Variants in IQGAP2 observed in about 807,000 individuals in gnomAD.
IQGAP2 encodes the protein IQ motif containing GTPase activating protein 2.
IQGAP2 carries 173 observed loss-of-function variants against 201.3 expected under a neutral mutation model. The ratio of observed to expected loss-of-function variants is 0.86; its 90% CI spans 0.76 to 0.98. IQGAP2 has a LOEUF of 0.98. Ranked by LOEUF, IQGAP2 falls within the 50% of genes least tolerant of loss-of-function variation. The pLI is 0.00. For synonymous variants in IQGAP2, 675 were observed against 673.9 expected, an observed-to-expected ratio of 1.00 and a Z score of -0.03; for missense variants, 1,687 against 1,864.8, an observed-to-expected ratio of 0.90 and a Z score of 1.76.
At position 76,635,244 on chromosome 5, in the gene IQGAP2, T is replaced by A. The variant is rs146969294; in HGVS notation, c.1781-1790T>A. On this transcript the variant is annotated intron_variant, in intron 15 of 35. Transcript: ENST00000274364. ...CTGCTTCTTTTCCCACGTGTCATAT[T>A]TGGATGAGAGCTAAAAACAACAGAA... Among the ~76,000 whole-genome samples the A allele has an allele frequency of 1.8e-4, 27 of 152,376 alleles. No individual in the cohort carries two copies. The East Asian group carries it at 4.8e-3, about 27-fold the overall frequency.
At chr5:76,500,629 C>A (rs1403924844) in intron 2 of IQGAP2, among the ~76,000 whole-genome samples, 1 of 152,118 alleles carries the variant, frequency 6.6e-6, no homozygotes, top group Non-Finnish European at 1.5e-5. Flanking sequence ...TCTCTATGAG[C>A]CCCTTTTGTG....
intron 31 of IQGAP2, among the ~76,000 whole-genome samples, chr5:76,694,450 A>T (rs1427351772): frequency 6.6e-6 from 1 of 152,224 alleles, no homozygotes; most frequent in Non-Finnish European, 1.5e-5. Context: ...CTAAGAACAC[A>T]GACTTCTGAG....
intron 4 of IQGAP2, among the ~76,000 whole-genome samples, chr5:76,573,260 G>C (rs1175060697): frequency 6.6e-6 from 1 of 152,196 alleles, no homozygotes; most frequent in Non-Finnish European, 1.5e-5. Context: ...TGGTGTTATA[G>C]AGCAGATTTT....
Position 76,698,154 on chromosome 5 carries a change from T to TA in IQGAP2, c.4367+11dup, listed in dbSNP as rs1280170805. The TA allele has an allele frequency of 6.5e-7, 1 of 1,547,296 alleles. No homozygotes were observed. Among genetic ancestry groups the TA allele is most frequent in the Middle Eastern group, 1.7e-4 (1 of 5,890 alleles). On this transcript the variant is annotated splice_region_variant and intron_variant, in intron 33 of 35. Transcript: ENST00000274364. ...TAGACAACTTAAAAAGAAAGTAAGT[T>TA]AAAATCATGTCATGTTCATTTGTAA...
At chr5:76,548,671 G>A (rs186879077) in intron 2 of IQGAP2, among the ~76,000 whole-genome samples, 130 of 152,280 alleles carry the variant, frequency 8.5e-4, no homozygotes, top group South Asian at 2.5e-3. Flanking sequence ...AAAGGGGAGT[G>A]ATATCAATCT....
chr5:76,686,016 C>T (rs1378048243), intron 30 of IQGAP2, among the ~76,000 whole-genome samples: 2 of 152,204 alleles, frequency 1.3e-5, no homozygotes, highest in African/African-American at 4.8e-5. Flanking sequence ...AGTCGTATCT[C>T]ACTGTGGTTT....
chr5:76,629,152 T>C (rs1010032530), intron 14 of IQGAP2, among the ~76,000 whole-genome samples: 5 of 152,198 alleles, frequency 3.3e-5, no homozygotes, highest in African/African-American at 4.8e-5. Flanking sequence ...ACATCTAAAA[T>C]CCTATCTTTT....
chr5:76,568,882 T>C (rs570240354), intron 3 of IQGAP2, among the ~76,000 whole-genome samples: 1 of 152,192 alleles, frequency 6.6e-6, no homozygotes, highest in Non-Finnish European at 1.5e-5. Flanking sequence ...ATTATTTATT[T>C]TGTGGCACAG....
chr5:76,530,313 A>G, intron 2 of IQGAP2, among the ~76,000 whole-genome samples: 1 of 152,250 alleles, frequency 6.6e-6, no homozygotes, highest in East Asian at 1.9e-4. Context: ...TACATAACAT[A>G]GAATAGGATG....
chr5:76,452,158 A>G (rs140509993), intron 1 of IQGAP2, among the ~76,000 whole-genome samples: 257 of 149,624 alleles, frequency 1.7e-3, no homozygotes, highest in African/African-American at 5.8e-3. Flanking sequence ...AACAAATCTG[A>G]CCTCAGGTGA....
chr5:76,674,413 A>AT, intron 26 of IQGAP2, 64 bp from the exon 27 acceptor site: 1 of 965,072 alleles, frequency 1.0e-6, no homozygotes, highest in Non-Finnish European at 1.6e-6. Context: ...TAAAAAAAAA[A>AT]AGAAAACTAA....
chr5:76,496,806 T>C (rs1757015578), intron 2 of IQGAP2, among the ~76,000 whole-genome samples: 2 of 147,932 alleles, frequency 1.4e-5, no homozygotes, highest in Admixed American at 6.9e-5. Flanking sequence ...TTTCTTTCTT[T>C]CTCTTTCTTT....
chr5:76,676,017 G>C (rs1409397829), intron 27 of IQGAP2, among the ~76,000 whole-genome samples: 1 of 150,934 alleles, frequency 6.6e-6, no homozygotes, highest in South Asian at 2.1e-4. Flanking sequence ...GGAGGTCAAG[G>C]CTGCAGTGAG....
intron 7 of IQGAP2, among the ~76,000 whole-genome samples, chr5:76,590,016 T>C (rs768944312): frequency 1.3e-5 from 2 of 152,226 alleles, no homozygotes; most frequent in African/African-American, 4.8e-5. Context: ...GTAGAGTTCA[T>C]TGTTACAGGT....
chr5:76,470,045 G>A (rs959761978), intron 2 of IQGAP2, among the ~76,000 whole-genome samples: 2 of 152,148 alleles, frequency 1.3e-5, no homozygotes, highest in Non-Finnish European at 2.9e-5. Flanking sequence ...TTCACGTGGG[G>A]CACACCCACT....
chr5:76,612,713 G>A lies in IQGAP2; in HGVS notation c.1521+1530G>A, dbSNP rs185551300. ...CAAAAAAAAAATCATGCTGTGATGT[G>A]CACATAGATGGAATATAGATAGGCT... On this transcript the variant is annotated intron_variant, in intron 13 of 35. Coordinates refer to ENST00000274364, the MANE Select transcript of IQGAP2 (RefSeq NM_006633.5). Among the ~76,000 whole-genome samples the A allele has an allele frequency of 3.8e-4, 58 of 152,074 alleles. No individual in the cohort carries two copies. In the East Asian group the frequency reaches 7.7e-3, roughly 20 times the overall value.
At chr5:76,622,703 G>A (rs1749820074) in intron 13 of IQGAP2, among the ~76,000 whole-genome samples, 1 of 152,174 alleles carries the variant, frequency 6.6e-6, no homozygotes, top group Non-Finnish European at 1.5e-5. Flanking sequence ...ATTCATTTCG[G>A]AAATACTGAC....
chr5:76,460,673 T>C (rs1188666533), intron 1 of IQGAP2, among the ~76,000 whole-genome samples: 2 of 151,934 alleles, frequency 1.3e-5, no homozygotes, highest in Admixed American at 1.3e-4. Context: ...TTGGACTGAG[T>C]TTATTAAAGA....
chr5:76,433,197 G>A (rs1752472889), intron 1 of IQGAP2, among the ~76,000 whole-genome samples: 2 of 152,012 alleles, frequency 1.3e-5, no homozygotes, highest in African/African-American at 4.8e-5. Context: ...AGTTTAGTTG[G>A]GTTCCATTTA....
Sources: allele counts gnomAD v4.1 joint callset (sites outside exome capture counted in the v4.1 genomes callset), GRCh38; gene constraint gnomAD v4.1.1; transcripts MANE v1.5; gene names NCBI Gene and HGNC (gene_info 2026-07-23, HGNC 2026-07-21).